Variants in FSTL1 observed in about 807,000 individuals in gnomAD.
FSTL1 encodes the protein follistatin like 1.
In FSTL1, 24 loss-of-function variants were observed where a neutral mutation model predicts 45.9. The observed-to-expected ratio is 0.52, with a 90% CI of 0.38 to 0.74. FSTL1 has a LOEUF of 0.74. Among genes scored for constraint, FSTL1 ranks in the 30% least tolerant of loss-of-function variants. The probability of loss-of-function intolerance (pLI) is 0.00; values close to 1 mark genes in which losing one functional copy is unlikely to be tolerated. For missense variants in FSTL1, 340 were observed against 381.8 expected (o/e 0.89, Z 0.91); for synonymous variants, 120 against 137.6 (o/e 0.87, Z 0.89).
At chr3:120,397,177 G>A (rs1237379594) in intron 10 of FSTL1, among the ~76,000 whole-genome samples, 181 bp from the exon 11 acceptor site, 2 of 152,204 alleles carry the variant, frequency 1.3e-5, no homozygotes, top group Non-Finnish European at 2.9e-5. Flanking sequence ...GCCTATTCAT[G>A]ACATGGTCAT....
chr3:120,434,213 G>A (rs1030021748), intron 2 of FSTL1, among the ~76,000 whole-genome samples: 2 of 152,196 alleles, frequency 1.3e-5, no homozygotes, highest in African/African-American at 4.8e-5. Context: ...AGTACAGAAG[G>A]CAGGACTTGC....
At chr3:120,415,744 A>C in intron 3 of FSTL1, 179 bp downstream of exon 3, 1 of 505,992 alleles carries the variant, frequency 2.0e-6, no homozygotes, top group Non-Finnish European at 3.5e-6. Context: ...TTTTAAAAGA[A>C]AAAATATCCA....
chr3:120,438,957 T>C (rs896971998), intron 2 of FSTL1, among the ~76,000 whole-genome samples: 10 of 152,196 alleles, frequency 6.6e-5, no homozygotes, highest in African/African-American at 2.4e-4. Context: ...TGCGACTCGT[T>C]GCCAGTCCCC....
At chr3:120,414,339 CACCTCTTCCCG>C (rs1937144426) in intron 3 of FSTL1, among the ~76,000 whole-genome samples, 1 of 151,026 alleles carries the variant, frequency 6.6e-6, no homozygotes, top group East Asian at 1.9e-4. Flanking sequence ...AAGTGAGGAG[CACCTCTTCCCG>C]GCCGCCATCA....
chr3:120,422,285 C>CT (rs1237441767), intron 2 of FSTL1, among the ~76,000 whole-genome samples: 1 of 152,150 alleles, frequency 6.6e-6, no homozygotes, highest in African/African-American at 2.4e-5. Context: ...GTTAATAATA[C>CT]TGTTTGTATA....
chr3:120,430,131 T>C (rs560992092), intron 2 of FSTL1, among the ~76,000 whole-genome samples: 30 of 152,318 alleles, frequency 2.0e-4, no homozygotes, highest in African/African-American at 6.7e-4. Context: ...CCAGCCTAGA[T>C]ATTATGAGCA....
chr3:120,395,975 T>G lies in FSTL1; in HGVS notation c.*977A>C. 1 of 289,880 alleles carries G rather than the reference T, an allele frequency of 3.4e-6. No homozygotes were observed. The allele number at this position is 289,880 out of a possible 1,614,324, so 18.0% of individuals were successfully genotyped here. A position where few individuals can be genotyped will look rare whatever the true frequency, so the allele number is the denominator to read the frequency against. ...TAAAAACAAATTAATGTTTGGATCTTGAAAGTTTTTTATGAAGATGCTTCT... is the reference window on the plus strand; with the variant it reads ...TAAAAACAAATTAATGTTTGGATCTGGAAAGTTTTTTATGAAGATGCTTCT... On this transcript the variant is annotated 3_prime_UTR_variant, in exon 11 of 11. Transcript: ENST00000295633.
chr3:120,438,665 T>A (rs1419401297), intron 2 of FSTL1, among the ~76,000 whole-genome samples: 2 of 152,196 alleles, frequency 1.3e-5, no homozygotes, highest in Non-Finnish European at 2.9e-5. Context: ...TGAATAGGAC[T>A]TCAAAGCTGC....
intron 6 of FSTL1, among the ~76,000 whole-genome samples, chr3:120,406,017 T>C (rs886553982): frequency 6.6e-6 from 1 of 152,112 alleles, no homozygotes. Flanking sequence ...AAGAAACATC[T>C]ATCCAAATTT....
chr3:120,431,154 T>A (rs1274087012), intron 2 of FSTL1, among the ~76,000 whole-genome samples: 2 of 152,130 alleles, frequency 1.3e-5, no homozygotes, highest in African/African-American at 4.8e-5. Context: ...GTGTTTTTAG[T>A]AGAGACAGGG....
At chr3:120,405,797 C>G (rs142591355) in intron 6 of FSTL1, among the ~76,000 whole-genome samples, 1 of 152,344 alleles carries the variant, frequency 6.6e-6, no homozygotes, top group East Asian at 1.9e-4. Context: ...ATTCAAGACA[C>G]CCAGGCACTA....
intron 3 of FSTL1, 73 bp from the exon 4 acceptor site, chr3:120,412,056 T>C (rs112712040): frequency 8.9e-5 from 50 of 562,178 alleles, no homozygotes; most frequent in East Asian, 3.9e-4. Context: ...CACACATACA[T>C]GCACACACAC....
intron 2 of FSTL1, among the ~76,000 whole-genome samples, chr3:120,420,416 A>C (rs1222676103): frequency 6.6e-6 from 1 of 152,190 alleles, no homozygotes; most frequent in Non-Finnish European, 1.5e-5. Flanking sequence ...ATTGATAAAA[A>C]TCAGCAAAAT....
intron 2 of FSTL1, among the ~76,000 whole-genome samples, chr3:120,428,362 T>C (rs1214991264): frequency 6.6e-6 from 1 of 151,992 alleles, no homozygotes; most frequent in South Asian, 2.1e-4. Context: ...GGGGGGATAG[T>C]AGGGATGTCA....
At chr3:120,433,711 G>C (rs1319189015) in intron 2 of FSTL1, among the ~76,000 whole-genome samples, 1 of 152,234 alleles carries the variant, frequency 6.6e-6, no homozygotes, top group Admixed American at 6.5e-5. Context: ...CTCTGGGAGA[G>C]AGGGCACCAC....
intron 5 of FSTL1, 100 bp downstream of exon 5, chr3:120,410,849 TAGA>T (rs750365283): frequency 1.1e-6 from 1 of 917,864 alleles, no homozygotes; most frequent in Non-Finnish European, 1.8e-6. Flanking sequence ...TTCTGATGCA[TAGA>T]AGATCTTATG....
At chr3:120,424,800 T>C (rs1431997605) in intron 2 of FSTL1, among the ~76,000 whole-genome samples, 2 of 152,058 alleles carry the variant, frequency 1.3e-5, no homozygotes, top group East Asian at 3.9e-4. Context: ...TGTGTGTCTC[T>C]ATCAGAAATG....
At position 120,395,241 on chromosome 3, in the gene FSTL1, T is replaced by C. The variant is rs1446203641; in HGVS notation, c.*1711A>G. The C allele has an allele frequency of 6.0e-6, 1 of 165,332 alleles. No homozygotes were observed. The highest frequency in any genetic ancestry group is 1.3e-5 in the Non-Finnish European group (1 of 77,570). The allele number at this position is 165,332 out of a possible 1,614,324, so 10.2% of individuals were successfully genotyped here. A position where few individuals can be genotyped will look rare whatever the true frequency, so the allele number is the denominator to read the frequency against. On this transcript the variant is annotated 3_prime_UTR_variant, in exon 11 of 11. Transcript: ENST00000295633. ...AACCTAAATAATTTCCTTCTGATGG[T>C]CTTTAATCTGCTTTCTGCAAATGAG...
At chr3:120,428,626 C>G (rs1937425011) in intron 2 of FSTL1, among the ~76,000 whole-genome samples, 1 of 152,162 alleles carries the variant, frequency 6.6e-6, no homozygotes, top group Admixed American at 6.5e-5. Context: ...TCCAGCTACT[C>G]TGGAGGCTGA....
Sources: gnomAD v4.1 joint callset for allele counts (sites outside exome capture counted in the v4.1 genomes callset) on GRCh38, gnomAD v4.1.1 for gene constraint, MANE v1.5 for transcripts, NCBI Gene and HGNC (gene_info 2026-07-23, HGNC 2026-07-21) for gene names.